CCSER2: variants seen among roughly 807,000 people sequenced by gnomAD.
CCSER2 encodes the protein coiled-coil serine rich protein 2, also known as serine-rich coiled-coil domain-containing protein 2.
A neutral mutation model predicts 92.3 loss-of-function variants in CCSER2; 46 were observed. The observed-to-expected ratio is 0.50, with a 90% confidence interval of 0.39 to 0.64. The LOEUF is 0.64. Ranked by LOEUF, CCSER2 falls within the 30% of genes least tolerant of loss-of-function variation. The pLI, the probability that CCSER2 is intolerant of heterozygous loss-of-function variation, is 0.00. For synonymous variants in CCSER2, 433 were observed against 431.4 expected, an observed-to-expected ratio of 1.00 and a Z score of -0.04; for missense variants, 1,244 against 1,238.9, an observed-to-expected ratio of 1.00 and a Z score of -0.06.
intron 9 of CCSER2, among the ~76,000 whole-genome samples, chr10:84,485,515 C>T (rs1354490274): frequency 6.6e-6 from 1 of 152,118 alleles, no homozygotes; most frequent in Admixed American, 6.6e-5. Context: ...TAGCATAACA[C>T]CCTGGAGATC....
At chr10:84,448,659 A>G (rs571593684) in intron 6 of CCSER2, among the ~76,000 whole-genome samples, 1 of 152,330 alleles carries the variant, frequency 6.6e-6, no homozygotes, top group Admixed American at 6.5e-5. Flanking sequence ...AATATATGCA[A>G]TTGTGTAATT....
chr10:84,372,453 AGATATAAGTGTCTCT>A lies in CCSER2; in HGVS notation c.1403_1417del (p.Ile469_Asp473del). ...CCTTCAGTAAAACTGATGAATGGAT[AGATATAAGTGTCTCT>A]GGTAAATATTACTTACCTTAAGTTT... is the stretch of plus-strand genomic sequence containing the variant. On this transcript the variant is annotated inframe_deletion and splice_region_variant, in exon 2 of 10. Coordinates refer to ENST00000372088, the MANE Select transcript of CCSER2 (RefSeq NM_001284240.2). 1 of 1,566,368 alleles carries A rather than the reference AGATATAAGTGTCTCT, an allele frequency of 6.4e-7. No homozygotes were observed. Among genetic ancestry groups the A allele is most frequent in the Non-Finnish European group, 8.6e-7 (1 of 1,161,592 alleles).
intron 4 of CCSER2, among the ~76,000 whole-genome samples, chr10:84,420,794 G>A (rs573300111): frequency 7.2e-5 from 11 of 151,974 alleles, no homozygotes; most frequent in Admixed American, 4.6e-4. Context: ...TTAGCCGGGC[G>A]TGGAGGCACG....
intron 5 of CCSER2, among the ~76,000 whole-genome samples, chr10:84,437,710 G>GTTTTTTTT (rs769780704): frequency 7.9e-6 from 1 of 126,804 alleles, no homozygotes; most frequent in Non-Finnish European, 1.7e-5. Flanking sequence ...TTTTAGAGTA[G>GTTTTTTTT]TTTTTTTTTT....
intron 3 of CCSER2, among the ~76,000 whole-genome samples, chr10:84,395,579 C>G (rs555628037): frequency 1.3e-5 from 2 of 152,282 alleles, no homozygotes; most frequent in Non-Finnish European, 1.5e-5. Context: ...AATCTTTTAT[C>G]CCTTTCCTGG....
intron 3 of CCSER2, among the ~76,000 whole-genome samples, chr10:84,404,267 G>A (rs977385603): frequency 6.6e-6 from 1 of 152,140 alleles, no homozygotes; most frequent in Non-Finnish European, 1.5e-5. Context: ...CAACCCCTTC[G>A]AAACAAACTT....
chr10:84,440,794 A>G (rs1844484642), intron 6 of CCSER2, among the ~76,000 whole-genome samples: 1 of 152,174 alleles, frequency 6.6e-6, no homozygotes, highest in Non-Finnish European at 1.5e-5. Flanking sequence ...ATTGATATTA[A>G]TAAGTTTGGT....
intron 6 of CCSER2, among the ~76,000 whole-genome samples, chr10:84,445,413 A>G (rs945037792): frequency 6.6e-6 from 1 of 152,210 alleles, no homozygotes; most frequent in Non-Finnish European, 1.5e-5. Context: ...TTGGCCTCCC[A>G]AAGTGCTGGG....
chr10:84,491,699 A>G (rs1848176472), intron 9 of CCSER2, among the ~76,000 whole-genome samples: 1 of 152,002 alleles, frequency 6.6e-6, no homozygotes. Flanking sequence ...GGGTGAGGGG[A>G]TGCCTCGCCC....
At chr10:84,442,226 G>A (rs1589676511) in intron 6 of CCSER2, among the ~76,000 whole-genome samples, 1 of 152,048 alleles carries the variant, frequency 6.6e-6, no homozygotes, top group Non-Finnish European at 1.5e-5. Context: ...GCTTCTTAGT[G>A]TCCTAAAAAG....
intron 6 of CCSER2, among the ~76,000 whole-genome samples, chr10:84,449,654 A>G (rs1030227924): frequency 6.6e-6 from 1 of 152,164 alleles, no homozygotes; most frequent in African/African-American, 2.4e-5. Flanking sequence ...TGGGAGTTCG[A>G]GACCAGCCTG....
chr10:84,349,504 G>A (rs1045311599), intron 1 of CCSER2, among the ~76,000 whole-genome samples: 2 of 151,000 alleles, frequency 1.3e-5, no homozygotes, highest in Admixed American at 6.6e-5. Flanking sequence ...ACACTCCCCC[G>A]CCCACCCCCG....
intron 5 of CCSER2, among the ~76,000 whole-genome samples, chr10:84,432,282 C>T (rs1422448507): frequency 6.6e-6 from 1 of 152,050 alleles, no homozygotes; most frequent in East Asian, 1.9e-4. Flanking sequence ...TCAGTGGGTA[C>T]ATACGCAGGT....
intron 4 of CCSER2, among the ~76,000 whole-genome samples, chr10:84,419,683 A>C (rs1843045750): frequency 6.6e-6 from 1 of 152,214 alleles, no homozygotes; most frequent in African/African-American, 2.4e-5. Context: ...GCTGAGTTCT[A>C]GTGCTGAAAA....
intron 9 of CCSER2, among the ~76,000 whole-genome samples, chr10:84,486,685 C>T (rs1194792286): frequency 6.6e-6 from 1 of 152,272 alleles, no homozygotes; most frequent in East Asian, 1.9e-4. Flanking sequence ...TTCTCCCCTT[C>T]TGTAGGTTGC....
chr10:84,394,405 G>GTGTGTC (rs1841711709), intron 3 of CCSER2, among the ~76,000 whole-genome samples: 1 of 149,244 alleles, frequency 6.7e-6, no homozygotes, highest in Non-Finnish European at 1.5e-5. Context: ...GTGTGTGTGT[G>GTGTGTC]TGTGTGTGTG....
intron 5 of CCSER2, among the ~76,000 whole-genome samples, chr10:84,427,413 A>G (rs2133441906): frequency 6.6e-6 from 1 of 152,242 alleles, no homozygotes; most frequent in East Asian, 1.9e-4. Context: ...AAAACTATTA[A>G]TTTCTCTCTG....
At chr10:84,372,847 A>G (rs1846139322) in intron 2 of CCSER2, among the ~76,000 whole-genome samples, 1 of 152,116 alleles carries the variant, frequency 6.6e-6, no homozygotes. Context: ...GTTAAGAGTA[A>G]AGCTGTACCA....
At chr10:84,386,723 T>A (rs1433409372) in intron 3 of CCSER2, among the ~76,000 whole-genome samples, 1 of 152,198 alleles carries the variant, frequency 6.6e-6, no homozygotes, top group African/African-American at 2.4e-5. Flanking sequence ...AGAGCAAGAC[T>A]CTTTCTCCAG....
Sources: allele counts gnomAD v4.1 joint callset (sites outside exome capture counted in the v4.1 genomes callset), GRCh38; gene constraint gnomAD v4.1.1; transcripts MANE v1.5; gene names NCBI Gene and HGNC (gene_info 2026-07-23, HGNC 2026-07-21).